The following IQCE variants were observed in gnomAD, a reference collection of about 807,000 sequenced individuals.
IQCE encodes the protein IQ motif containing E.
A neutral mutation model predicts 96.0 loss-of-function variants in IQCE; 115 were observed. That is an observed-to-expected ratio of 1.20 (90% CI 1.03 to 1.40). IQCE has a LOEUF of 1.40. Ranked by LOEUF, IQCE falls within the 40% of genes most tolerant of loss-of-function variation. IQCE has a pLI of 0.00. For missense variants in IQCE, 1,041 were observed against 909.1 expected, an observed-to-expected ratio of 1.15 and a Z score of -1.87; for synonymous variants, 412 against 371.2, an observed-to-expected ratio of 1.11 and a Z score of -1.26.
At chr7:2,596,246 C>T (rs1170960914) in intron 16 of IQCE, among the ~76,000 whole-genome samples, 1 of 151,496 alleles carries the variant, frequency 6.6e-6, no homozygotes, top group African/African-American at 2.4e-5. Flanking sequence ...GCCACAGATC[C>T]AGACCCTTTT....
At chr7:2,576,926 G>A (rs1159366024) in intron 6 of IQCE, among the ~76,000 whole-genome samples, 1 of 152,196 alleles carries the variant, frequency 6.6e-6, no homozygotes, top group South Asian at 2.1e-4. Flanking sequence ...GTCCAGCCCC[G>A]GTGTTGGCGG....
chr7:2,583,518 C>A, intron 9 of IQCE, 119 bp from the exon 10 acceptor site: 1 of 537,184 alleles, frequency 1.9e-6, no homozygotes, highest in Non-Finnish European at 3.1e-6. Context: ...GCTTTTCCCT[C>A]CCATCCTGGG....
rs992679794 is a variant in IQCE, at chr7:2,578,480, C to T, written c.584C>T (p.Thr195Met). Residue 195 changes from threonine (T) to methionine (M), a missense_variant, in exon 8 of 22, where the codon ACG becomes ATG. Transcript: ENST00000402050. Reference sequence around the variant, plus strand: ...GTCTCAATCTGCTTACCACAGGGCACGGATTTTGTTCGGACTCTGGCAGAG... The same window carrying T: ...GTCTCAATCTGCTTACCACAGGGCATGGATTTTGTTCGGACTCTGGCAGAG... ...IEQLLDPSRG[T>M]DFVRTLAEKR... is the part of the protein sequence containing the mutation. 15 of 1,614,036 alleles carry T rather than the reference C, an allele frequency of 9.3e-6. No homozygotes were observed. Among genetic ancestry groups the T allele is most frequent in the East Asian group, 2.2e-5 (1 of 44,890 alleles).
At chr7:2,592,877 G>T in intron 14 of IQCE, 145 bp from the exon 15 acceptor site, 1 of 820,374 alleles carries the variant, frequency 1.2e-6, no homozygotes, top group South Asian at 2.3e-5. Flanking sequence ...TGTGTGATTA[G>T]AAATGGGCCT....
In IQCE at chr7:2,605,957, C is replaced by T. The variant is rs766623308; in HGVS notation, c.1825C>T (p.Gln609Ter). 2 of 1,611,022 alleles carry T rather than the reference C, an allele frequency of 1.2e-6. No individual in the cohort carries two copies. The highest frequency in any genetic ancestry group is 1.1e-5 in the South Asian group (1 of 90,520). The change falls in exon 20 of 22, where the codon CAG becomes TAG. Residue 609 changes from glutamine (Q) to a stop codon, truncating the protein, a stop_gained. Transcript: ENST00000402050. LOFTEE classifies it high-confidence loss of function. Reference sequence around the variant, plus strand: ...GCAGGAGGAGGCCATCGTCATCATCCAGTCCGCTCTGCGGGCACACCTGGC... The same window carrying T: ...GCAGGAGGAGGCCATCGTCATCATCTAGTCCGCTCTGCGGGCACACCTGGC... ...PVQEEAIVII[Q>*]SALRAHLARA...
Position 2,607,988 on chromosome 7 carries a change from C to T in IQCE, c.1969+761C>T, listed in dbSNP as rs1025507829. The stretch of plus-strand genomic sequence containing the variant: ...GTGTCAGGCGAAGGGCTTTGCTGTG[C>T]TGAGTCCTTAGGTCTCCAGGGTGGA... On this transcript the variant is annotated intron_variant, in intron 21 of 21. Coordinates refer to ENST00000402050, the MANE Select transcript of IQCE (RefSeq NM_152558.5). 3.3e-5 allele frequency among the ~76,000 whole-genome samples: 5 copies of T among 152,148 alleles called. No individual in the cohort carries two copies. In the East Asian group the frequency reaches 5.8e-4, roughly 18 times the overall value.
chr7:2,609,372 C>T (rs1308113804), intron 21 of IQCE, among the ~76,000 whole-genome samples: 2 of 150,668 alleles, frequency 1.3e-5, no homozygotes, highest in Admixed American at 1.3e-4. Flanking sequence ...TCTGGAACTC[C>T]TGGGTTCAAG....
rs1316011093 is a variant in IQCE at position 2,612,588 on chromosome 7, C to CCTAGTCATGGGAGGGGT, written c.*2426_*2427insCTAGTCATGGGAGGGGT. On this transcript the variant is annotated 3_prime_UTR_variant, in exon 22 of 22. Coordinates refer to ENST00000402050, the MANE Select transcript of IQCE (RefSeq NM_152558.5). Reference sequence around the variant, plus strand: ...TGGGAGGGGTGAGCTGTGGGCGGGGCGAGCTGTGGGTGGGGCCTAGCCATG... The same window carrying CCTAGTCATGGGAGGGGT: ...TGGGAGGGGTGAGCTGTGGGCGGGGCCTAGTCATGGGAGGGGTGAGCTGTGGGTGGGGCCTAGCCATG... The CCTAGTCATGGGAGGGGT allele has an allele frequency of 7.0e-4, 41 of 58,634 alleles. No individual in the cohort carries two copies. Among genetic ancestry groups the CCTAGTCATGGGAGGGGT allele is most frequent in the African/African-American group, 1.7e-3 (28 of 16,864 alleles). The allele number at this position is 58,634 out of a possible 1,614,324, so 3.6% of individuals were successfully genotyped here. A position where few individuals can be genotyped will look rare whatever the true frequency, so the allele number is the denominator to read the frequency against.
chr7:2,608,190 C>G (rs1204663779), intron 21 of IQCE, among the ~76,000 whole-genome samples: 1 of 152,222 alleles, frequency 6.6e-6, no homozygotes. Flanking sequence ...GGCAGCCCCC[C>G]AGTACCACTC....
intron 8 of IQCE, chr7:2,582,172 T>G: frequency 2.4e-6 from 1 of 423,028 alleles, no homozygotes; most frequent in South Asian, 1.8e-5. Context: ...CCTCACTCAC[T>G]GCCCCATGGA....
chr7:2,562,855 C>T (rs1394691258), intron 1 of IQCE, among the ~76,000 whole-genome samples: 4 of 141,816 alleles, frequency 2.8e-5, no homozygotes, highest in African/African-American at 5.2e-5. Context: ...ATCTTTCTTT[C>T]TTTTTTTTTT....
At chr7:2,591,267 G>A (rs2917732) in intron 14 of IQCE, among the ~76,000 whole-genome samples, 117,032 of 151,556 alleles carry the variant, frequency 0.77, 45,561 homozygotes, top group African/African-American at 0.85. Context: ...AAAAAACGAA[G>A]GAAGACATAA....
chr7:2,595,000 C>T (rs776673055), intron 16 of IQCE, 24 bp downstream of exon 16: 1 of 1,527,264 alleles, frequency 6.5e-7, no homozygotes, highest in Non-Finnish European at 9.1e-7. Context: ...TCAGTTGAGT[C>T]TCCCGTCAGG....
chr7:2,576,875 T>G lies in IQCE; in HGVS notation c.466-1367T>G, dbSNP rs529169211. Among the ~76,000 whole-genome samples, 3 of 152,346 alleles carry G rather than the reference T, an allele frequency of 2.0e-5. No homozygotes were observed. The East Asian group carries it at 5.8e-4, about 29-fold the overall frequency. ...TGATAAAAATGCGAACAAAACGGAC[T>G]TTCTTGTGTGGTCATGGGAGAAAAC... On this transcript the variant is annotated intron_variant, in intron 6 of 21. Coordinates refer to ENST00000402050, the MANE Select transcript of IQCE (RefSeq NM_152558.5).
intron 16 of IQCE, among the ~76,000 whole-genome samples, chr7:2,595,727 G>A (rs1162623253): frequency 6.9e-6 from 1 of 145,630 alleles, no homozygotes; most frequent in African/African-American, 2.6e-5. Flanking sequence ...GGCGCTGCCT[G>A]CACTTGCCTC....
Position 2,610,401 on chromosome 7 carries a change from G to A in IQCE, c.*239G>A, listed in dbSNP as rs985080785. On this transcript the variant is annotated 3_prime_UTR_variant, in exon 22 of 22. Transcript: ENST00000402050. Reference sequence around the variant, plus strand: ...CATCTCCAGCTGCAGCTCGGATGGTGGATTTTCAGTGCCAACAGACACATC... The same window carrying A: ...CATCTCCAGCTGCAGCTCGGATGGTAGATTTTCAGTGCCAACAGACACATC... The A allele has an allele frequency of 6.4e-6, 3 of 469,900 alleles. No homozygotes were observed. In the South Asian group the frequency reaches 7.1e-5, roughly 11 times the overall value. 29.1% of individuals were successfully genotyped at this position (469,900 alleles called of 1,614,324 possible). A position where few individuals can be genotyped will look rare whatever the true frequency, so the allele number is the denominator to read the frequency against.
At chr7:2,577,583 C>T (rs573704764) in intron 6 of IQCE, among the ~76,000 whole-genome samples, 7 of 77,420 alleles carry the variant, frequency 9.0e-5, no homozygotes, top group South Asian at 4.3e-4. Context: ...GTGCGGCGTG[C>T]CCGCATTGGC....
At chr7:2,593,903 G>C (rs1203054435) in intron 15 of IQCE, among the ~76,000 whole-genome samples, 1 of 152,176 alleles carries the variant, frequency 6.6e-6, no homozygotes, top group Non-Finnish European at 1.5e-5. Flanking sequence ...CAAAAAACTA[G>C]GTTAGAAATC....
Position 2,593,023 on chromosome 7 carries a change from T to A in IQCE, c.1246T>A (p.Leu416Met). 1 of 1,603,580 alleles carries A rather than the reference T, an allele frequency of 6.2e-7. No individual in the cohort carries two copies. Among genetic ancestry groups the A allele is most frequent in the Non-Finnish European group, 8.5e-7 (1 of 1,172,036 alleles). Residue 416 changes from leucine to methionine, a missense_variant and splice_region_variant, in exon 15 of 22, where the codon TTG (leucine) becomes ATG (methionine). Transcript: ENST00000402050. ...CGAGTCTCCTATTCTTGTGTGCAGT[T>A]TGGAGGTGAAGCAGCTCCTGCAGGC... Reference protein sequence around the residue: ...ALQEQLLQRDLEVKQLLQAKA... With the variant: ...ALQEQLLQRDMEVKQLLQAKA...
Sources: allele counts gnomAD v4.1 joint callset (sites outside exome capture counted in the v4.1 genomes callset), GRCh38; gene constraint gnomAD v4.1.1; transcripts MANE v1.5; gene names NCBI Gene and HGNC (gene_info 2026-07-23, HGNC 2026-07-21).